The following SH3PXD2A variants were observed in gnomAD, a reference collection of about 807,000 sequenced individuals.
The protein encoded by SH3PXD2A is SH3 and PX domain-containing protein 2A.
SH3PXD2A carries 32 observed loss-of-function variants against 115.2 expected under a neutral mutation model. The ratio of observed to expected loss-of-function variants is 0.28; its 90% CI spans 0.21 to 0.37. The LOEUF is 0.37. SH3PXD2A is among the 10% of genes least tolerant of loss of function. The pLI, the probability that SH3PXD2A is intolerant of heterozygous loss-of-function variation, is 1.00. For missense variants in SH3PXD2A, 1,328 were observed against 1,498.7 expected (o/e 0.89, Z 1.88); for synonymous variants, 610 against 629.1 (o/e 0.97, Z 0.45).
chr10:103,629,365 G>A (rs577268833), intron 8 of SH3PXD2A, among the ~76,000 whole-genome samples: 2 of 152,304 alleles, frequency 1.3e-5, no homozygotes, highest in East Asian at 1.9e-4. Context: ...TCATTTCCCT[G>A]GCCTCTGGGG....
intron 6 of SH3PXD2A, among the ~76,000 whole-genome samples, chr10:103,684,288 G>A (rs1392281864): frequency 1.3e-5 from 2 of 152,110 alleles, no homozygotes; most frequent in Admixed American, 1.3e-4. Flanking sequence ...CATACCCTGG[G>A]CAAGTGGCCA....
chr10:103,661,906 G>A, intron 7 of SH3PXD2A: 2 of 984,992 alleles, frequency 2.0e-6, no homozygotes, highest in Non-Finnish European at 2.4e-6. Context: ...AGCCCAGCCC[G>A]CCCCCCGCCA....
In SH3PXD2A at chr10:103,784,998, C is replaced by T. The variant is rs956835701; in HGVS notation, c.153+16284G>A. Among the ~76,000 whole-genome samples the T allele has an allele frequency of 6.6e-6, 1 of 152,222 alleles. No individual in the cohort carries two copies. The highest frequency in any genetic ancestry group is 2.4e-5 in the African/African-American group (1 of 41,456). ...CCCTCAGCCCCACTCTGAACACCAA[C>T]ACTTGCCCTTAGCAGGTGCTCAACA... On this transcript the variant is annotated intron_variant, in intron 2 of 14. Coordinates refer to ENST00000369774, the MANE Select transcript of SH3PXD2A (RefSeq NM_001394015.1). This position sits in a 1 kb window ranked among gnomAD's most constrained non-coding sequence, Gnocchi z 4.4.
At chr10:103,817,304 C>T (rs945534386) in intron 1 of SH3PXD2A, among the ~76,000 whole-genome samples, 1 of 152,020 alleles carries the variant, frequency 6.6e-6, no homozygotes, top group Non-Finnish European at 1.5e-5. Context: ...CCTCTCCCTC[C>T]TCCACCCTCC....
At chr10:103,701,122 T>TC (rs2037892261) in intron 5 of SH3PXD2A, among the ~76,000 whole-genome samples, 1 of 64,182 alleles carries the variant, frequency 1.6e-5, no homozygotes. Context: ...CAGCCATCCA[T>TC]CATCCATCCA....
intron 2 of SH3PXD2A, among the ~76,000 whole-genome samples, chr10:103,781,624 G>A (rs1440198544): frequency 6.6e-6 from 1 of 152,196 alleles, no homozygotes; most frequent in Admixed American, 6.5e-5. Context: ...TCCTCCTGCG[G>A]TTCTATCCTT....
chr10:103,794,374 A>T (rs2134255297), intron 2 of SH3PXD2A, among the ~76,000 whole-genome samples: 1 of 152,316 alleles, frequency 6.6e-6, no homozygotes, highest in East Asian at 1.9e-4. Context: ...CTCGCTGGCC[A>T]GAGTTCAGAC....
intron 3 of SH3PXD2A, among the ~76,000 whole-genome samples, chr10:103,740,783 G>A (rs987859730): frequency 6.6e-6 from 1 of 152,110 alleles, no homozygotes; most frequent in Non-Finnish European, 1.5e-5. Flanking sequence ...TTCATTCTTG[G>A]AAGACTTCCC....
Position 103,617,249 on chromosome 10 carries a change from C to T in SH3PXD2A, c.868G>A (p.Gly290Ser). The T allele has an allele frequency of 1.2e-6, 2 of 1,614,188 alleles. No individual in the cohort carries two copies. The highest frequency in any genetic ancestry group is 1.1e-5 in the South Asian group (1 of 91,080). Reference sequence around the variant, plus strand: ...TTCCGGATCACCTCCACTGTGACGCCCTTCTCAAAGCCAATCTCGTCCTTG... The same window carrying T: ...TTCCGGATCACCTCCACTGTGACGCTCTTCTCAAAGCCAATCTCGTCCTTG... ...QSKDEIGFEK[G>S]VTVEVIRKNL... Residue 290 changes from glycine to serine, a missense_variant, in exon 11 of 15, where the codon GGC (glycine) becomes AGC (serine). Around this residue, in one of 5 missense-constraint regions of SH3PXD2A, gnomAD observed 509 missense variants for 628.3 expected, o/e 0.81. Transcript: ENST00000369774.
At chr10:103,629,624 G>T (rs1209094306) in intron 8 of SH3PXD2A, among the ~76,000 whole-genome samples, 2 of 152,238 alleles carry the variant, frequency 1.3e-5, no homozygotes, top group Non-Finnish European at 1.5e-5. Flanking sequence ...TGGCTGTTCT[G>T]ACATTTGGAT....
chr10:103,743,228 G>A (rs192795318), intron 3 of SH3PXD2A, among the ~76,000 whole-genome samples: 3 of 151,656 alleles, frequency 2.0e-5, no homozygotes, highest in Admixed American at 2.0e-4. Context: ...ATATAACCAT[G>A]ATTCCACTAA....
rs549924389 is a variant in SH3PXD2A at position 103,672,085 on chromosome 10, G to A, written c.428-3433C>T. ...GGATCACTGGAGGTTAGGAGTTCGA[G>A]ACCAGCCTGGCCAACATGGCGAAAC... is the stretch of plus-strand genomic sequence containing the variant. On this transcript the variant is annotated intron_variant, in intron 6 of 14. Coordinates refer to ENST00000369774, the MANE Select transcript of SH3PXD2A (RefSeq NM_001394015.1). 2.0e-5 allele frequency among the ~76,000 whole-genome samples: 3 copies of A among 152,294 alleles called. No homozygotes were observed. The South Asian group carries it at 6.2e-4, about 32-fold the overall frequency.
At chr10:103,844,245 G>C (rs1461266504) in intron 1 of SH3PXD2A, among the ~76,000 whole-genome samples, 2 of 152,172 alleles carry the variant, frequency 1.3e-5, no homozygotes, top group African/African-American at 4.8e-5. Context: ...TGGGTGCCAG[G>C]CACTGCGCTG....
intron 1 of SH3PXD2A, among the ~76,000 whole-genome samples, chr10:103,813,699 G>A (rs1164145145): frequency 1.3e-5 from 2 of 152,120 alleles, no homozygotes; most frequent in African/African-American, 4.8e-5. Flanking sequence ...AGTCCTCTTA[G>A]CCAGTCCTCT....
At chr10:103,716,167 T>C (rs2038102583) in intron 5 of SH3PXD2A, among the ~76,000 whole-genome samples, 1 of 152,134 alleles carries the variant, frequency 6.6e-6, no homozygotes, top group African/African-American at 2.4e-5. Flanking sequence ...AGCCAGCCCC[T>C]GCACCACCTT....
At chr10:103,654,561 C>G (rs2037180597) in intron 8 of SH3PXD2A, among the ~76,000 whole-genome samples, 1 of 152,126 alleles carries the variant, frequency 6.6e-6, no homozygotes. Flanking sequence ...GAAGCACTAA[C>G]TTTCTTTTGT....
At chr10:103,749,912 G>A (rs986445719) in intron 3 of SH3PXD2A, 3 of 152,292 alleles carry the variant, frequency 2.0e-5, no homozygotes, top group African/African-American at 7.2e-5. Flanking sequence ...TGAGCAAGCC[G>A]TCTTGCAGGT....
intron 8 of SH3PXD2A, among the ~76,000 whole-genome samples, chr10:103,640,883 C>T (rs576092808): frequency 3.3e-5 from 5 of 152,162 alleles, no homozygotes; most frequent in Admixed American, 1.3e-4. Flanking sequence ...CCTCCAGGCC[C>T]TTGTGTCCCT....
At chr10:103,605,487 G>C (rs922864336) in intron 14 of SH3PXD2A, among the ~76,000 whole-genome samples, 5 of 152,230 alleles carry the variant, frequency 3.3e-5, no homozygotes, top group African/African-American at 9.7e-5. Context: ...TTAATCCACT[G>C]TCCTGCAAGC....
Sources: gnomAD v4.1 joint callset for allele counts (sites outside exome capture counted in the v4.1 genomes callset) on GRCh38, gnomAD v4.1.1 for gene constraint, gnomAD v4.1.1 regional missense constraint, Gnocchi (gnomAD v3.1) non-coding constraint, MANE v1.5 for transcripts, NCBI Gene and HGNC (gene_info 2026-07-23, HGNC 2026-07-21) for gene names.